ADCY4: variants seen among roughly 807,000 people sequenced by gnomAD.
ADCY4 encodes adenylate cyclase type 4.
ADCY4 carries 111 observed loss-of-function variants against 125.5 expected under a neutral mutation model. The observed-to-expected ratio is 0.88, with a 90% CI of 0.76 to 1.04. The LOEUF (loss-of-function observed/expected upper bound fraction) is 1.04, where lower values mean the gene tolerates loss of function less well. Among genes scored for constraint, ADCY4 ranks in the 50% least tolerant of loss-of-function variants. The pLI is 0.00. For synonymous variants in ADCY4, 576 were observed against 586.9 expected, an observed-to-expected ratio of 0.98 and a Z score of 0.27; for missense variants, 1,256 against 1,382.9, an observed-to-expected ratio of 0.91 and a Z score of 1.46.
chr14:24,319,525 AG>A lies in ADCY4; in HGVS notation c.2734-90del. On this transcript the variant is annotated intron_variant, in intron 21 of 24. Coordinates refer to ENST00000418030, the MANE Select transcript of ADCY4 (RefSeq NM_001198568.2). This position sits in a 1 kb window ranked among gnomAD's most constrained non-coding sequence, Gnocchi z 4.5. ...CCCAGCCCCAAGCCTTTGGAGTTAA[AG>A]GATCAGGCTGTGGGAGTGGAGATAG... The A allele has an allele frequency of 7.1e-7, 1 of 1,416,130 alleles. No individual in the cohort carries two copies. Among genetic ancestry groups the A allele is most frequent in the South Asian group, 1.2e-5 (1 of 84,094 alleles). 87.7% of individuals were successfully genotyped at this position (1,416,130 alleles called of 1,614,324 possible).
rs779577083 is a variant in ADCY4 at position 24,334,705 on chromosome 14, C to T, written c.-53G>A. 1.4e-6 allele frequency: 2 copies of T among 1,398,410 alleles called. No individual in the cohort carries two copies. The highest frequency in any genetic ancestry group is 2.7e-5 in the East Asian group (1 of 36,738). 86.6% of individuals were successfully genotyped at this position (1,398,410 alleles called of 1,614,324 possible). On this transcript the variant is annotated 5_prime_UTR_variant, in exon 1 of 25. Coordinates refer to ENST00000418030, the MANE Select transcript of ADCY4 (RefSeq NM_001198568.2). ...TGGCTAGGGCCGGGCGCCGGGTTAC[C>T]TCCTTCGGCCCGGCGGGCCCCACCT...
Position 24,318,808 on chromosome 14 carries a change from GGAGAA to G in ADCY4, c.2957-35_2957-31del, listed in dbSNP as rs756948393. ...TGAGGGATGTGGTAATGACAGACTTGGAGAAGGAAGAGGGGAAGAGGAAGCCACAA... is the reference window on the plus strand; with the variant it reads ...TGAGGGATGTGGTAATGACAGACTTGGGAAGAGGGGAAGAGGAAGCCACAA... On this transcript the variant is annotated intron_variant, in intron 23 of 24. Transcript: ENST00000418030. The G allele has an allele frequency of 4.3e-6, 7 of 1,613,392 alleles. No homozygotes were observed. The Admixed American group carries it at 1.2e-4, about 27-fold the overall frequency.
chr14:24,327,355 C>G (rs1359342168), intron 10 of ADCY4, among the ~76,000 whole-genome samples: 1 of 152,146 alleles, frequency 6.6e-6, no homozygotes, highest in Non-Finnish European at 1.5e-5. Context: ...GGCAGGAGGT[C>G]TAGCATGGGC....
intron 14 of ADCY4, 41 bp from the exon 15 acceptor site, chr14:24,324,432 G>A (rs778413905): frequency 9.6e-6 from 15 of 1,566,506 alleles, no homozygotes; most frequent in Non-Finnish European, 1.3e-5. Flanking sequence ...TGCCAGAACA[G>A]GCTCCCTGTG....
At chr14:24,326,612 T>A (rs1254097330) in intron 10 of ADCY4, 4 of 401,008 alleles carry the variant, frequency 1.0e-5, no homozygotes, top group African/African-American at 4.1e-5. Flanking sequence ...TGTGTGTGTG[T>A]GTGACTGAAT....
Position 24,324,356 on chromosome 14 carries a change from A to T in ADCY4, c.1859T>A (p.Phe620Tyr), listed in dbSNP as rs375534001. 6.2e-7 allele frequency: 1 copy of T among 1,614,082 alleles called. No individual in the cohort carries two copies. Among genetic ancestry groups the T allele is most frequent in the Non-Finnish European group, 8.5e-7 (1 of 1,180,032 alleles). The change falls in exon 15 of 25, where the codon TTC (phenylalanine) becomes TAC (tyrosine). Residue 620 changes from phenylalanine to tyrosine, a missense_variant. Phe to Tyr is a conservative substitution (Grantham distance 22, BLOSUM62 3). Transcript: ENST00000418030. Reference sequence around the variant, plus strand: ...AAAAAGGATGAGGAGGAAGAGGAGGAAGGTGATGCTATACGTGATGGCCAG... The same window carrying T: ...AAAAAGGATGAGGAGGAAGAGGAGGTAGGTGATGCTATACGTGATGGCCAG... ...PALAITYSITFLLFLLILFVC... is the reference protein window; with the variant it reads ...PALAITYSITYLLFLLILFVC...
At chr14:24,330,967 C>A in intron 6 of ADCY4, 51 bp downstream of exon 6, 1 of 1,530,026 alleles carries the variant, frequency 6.5e-7, no homozygotes, top group Non-Finnish European at 8.9e-7. Flanking sequence ...AGGGGCTACC[C>A]AGGATGGGAT....
Position 24,329,984 on chromosome 14 carries a change from T to C in ADCY4, c.1093A>G (p.Met365Val). 1.9e-6 allele frequency: 3 copies of C among 1,614,016 alleles called. No individual in the cohort carries two copies. Among genetic ancestry groups the C allele is most frequent in the Non-Finnish European group, 2.5e-6 (3 of 1,179,938 alleles). The change falls in exon 8 of 25, where the codon ATG (methionine) becomes GTG (valine). Residue 365 changes from methionine to valine, a missense_variant. By Grantham distance (21) the Met-to-Val change is conservative. Coordinates refer to ENST00000418030, the MANE Select transcript of ADCY4 (RefSeq NM_001198568.2). ...LRAATGVDIN[M>V]RVGVHSGSVL... The stretch of plus-strand genomic sequence containing the variant: ...CTGCCTGAGTGCACGCCCACACGCA[T>C]GTTGATGTCCACGCCAGTGGCTGCC...
Position 24,325,368 on chromosome 14 carries a change from C to G in ADCY4, c.1823+9G>C, listed in dbSNP as rs776545093. On this transcript the variant is annotated intron_variant, in intron 14 of 24. Transcript: ENST00000418030. ...CAGCCAGGGCCTCCTTTGCCTGGGG[C>G]ACTCTCACCTGTTTGTCACTAGCAT... 1.2e-6 allele frequency: 2 copies of G among 1,611,834 alleles called. No individual in the cohort carries two copies. The highest frequency in any genetic ancestry group is 2.2e-5 in the South Asian group (2 of 91,026).
rs57938687 is a variant in ADCY4, at chr14:24,325,221, C to T, written c.1823+156G>A. On this transcript the variant is annotated intron_variant, in intron 14 of 24. Coordinates refer to ENST00000418030, the MANE Select transcript of ADCY4 (RefSeq NM_001198568.2). ...GGATCTACAAGGTTAAGATAAGGGC[C>T]GTGATTATCATTTTCCCCAGAACAC... Among the ~76,000 whole-genome samples the T allele has an allele frequency of 1.6e-3, 249 of 151,108 alleles. 9 individuals carry two copies. The highest frequency in any genetic ancestry group is 5.8e-3 in the African/African-American group (237 of 40,552).
At chr14:24,327,607 A>C (rs751877) in intron 10 of ADCY4, among the ~76,000 whole-genome samples, 73,264 of 151,904 alleles carry the variant, frequency 0.48, 18,164 homozygotes, top group East Asian at 0.73. Flanking sequence ...TCCTTCCCCC[A>C]CTCCCCAGTG....
intron 14 of ADCY4, among the ~76,000 whole-genome samples, chr14:24,324,925 C>A (rs113441724): frequency 0.12 from 18,770 of 151,896 alleles, 2,058 homozygotes; most frequent in African/African-American, 0.3. Flanking sequence ...GCTAGTCTTT[C>A]ACTCCTGACC....
rs779660515 is a variant in ADCY4, at chr14:24,326,281, A to C, written c.1568+18T>G. 72 of 1,613,732 alleles carry C rather than the reference A, an allele frequency of 4.5e-5. No individual in the cohort carries two copies. Among genetic ancestry groups the C allele is most frequent in the Non-Finnish European group, 6.1e-5 (72 of 1,179,948 alleles). On this transcript the variant is annotated intron_variant, in intron 11 of 24. Transcript: ENST00000418030. ...CATCCAGACAGCCCCACTGGCAAAG[A>C]CTTTGAGGCCTCCTCACCGATCCAG...
chr14:24,321,917 ATGT>A (rs1045858311), intron 20 of ADCY4, 146 bp downstream of exon 20: 18 of 1,399,454 alleles, frequency 1.3e-5, no homozygotes, highest in East Asian at 7.2e-5. Flanking sequence ...AGAATCTAAG[ATGT>A]TGTGAAAACA....
chr14:24,325,476 T>C lies in ADCY4; in HGVS notation c.1726-2A>G, dbSNP rs773082841. 3.1e-6 allele frequency: 5 copies of C among 1,610,730 alleles called. No homozygotes were observed. Among genetic ancestry groups the C allele is most frequent in the Non-Finnish European group, 4.2e-6 (5 of 1,177,206 alleles). The stretch of plus-strand genomic sequence containing the variant: ...GGCGGGGATTGCAGAGAGTCGGTAC[T>C]GAAAGTGAGAGGGCCAGAGGTGGAG... On this transcript the variant is annotated splice_acceptor_variant, in intron 13 of 24. Coordinates refer to ENST00000418030, the MANE Select transcript of ADCY4 (RefSeq NM_001198568.2). LOFTEE classifies it high-confidence loss of function.
chr14:24,334,809 C>G lies in ADCY4; in HGVS notation c.-157G>C, dbSNP rs1483614302. 4 of 620,592 alleles carry G rather than the reference C, an allele frequency of 6.4e-6. No homozygotes were observed. Among genetic ancestry groups the G allele is most frequent in the Non-Finnish European group, 1.1e-5 (4 of 366,916 alleles). The allele number at this position is 620,592 out of a possible 1,614,324, so 38.4% of individuals were successfully genotyped here. Reference sequence around the variant, plus strand: ...GCAATCCCGTCTCCTTTTTCAGGCCCTCCCTGCGGCCTCCCAGCCCGCTCC... The same window carrying G: ...GCAATCCCGTCTCCTTTTTCAGGCCGTCCCTGCGGCCTCCCAGCCCGCTCC... On this transcript the variant is annotated 5_prime_UTR_variant, in exon 1 of 25. Coordinates refer to ENST00000418030, the MANE Select transcript of ADCY4 (RefSeq NM_001198568.2).
chr14:24,334,161 A>G (rs567395350), intron 1 of ADCY4, among the ~76,000 whole-genome samples: 1 of 152,346 alleles, frequency 6.6e-6, no homozygotes, highest in South Asian at 2.1e-4. Flanking sequence ...AAGGCAGGAA[A>G]TGAATTCCCC....
At chr14:24,322,730 G>A (rs1465346217) in intron 18 of ADCY4, 22 bp from the exon 19 acceptor site, 4 of 1,611,092 alleles carry the variant, frequency 2.5e-6, no homozygotes, top group Non-Finnish European at 3.4e-6. Context: ...ATGGATCAGG[G>A]TGACCCCTTG....
At position 24,319,833 on chromosome 14, in the gene ADCY4, T is replaced by C. The variant is rs2041825405; in HGVS notation, c.2642A>G (p.Asp881Gly). The C allele has an allele frequency of 6.2e-7, 1 of 1,614,036 alleles. No individual in the cohort carries two copies. The highest frequency in any genetic ancestry group is 8.5e-7 in the Non-Finnish European group (1 of 1,180,000). Residue 881 changes from aspartate to glycine, a missense_variant, in exon 21 of 25, where the codon GAC (aspartate) becomes GGC (glycine). By Grantham distance (94) the Asp-to-Gly change is moderately conservative. Coordinates refer to ENST00000418030, the MANE Select transcript of ADCY4 (RefSeq NM_001198568.2). The surrounding 1 kb of genome is among the most constrained non-coding windows in gnomAD (Gnocchi z 4.5). ...CVCVLFASVP[D>G]FKEFYSESNI... The stretch of plus-strand genomic sequence containing the variant: ...GGATTCAGAGTAGAACTCCTTGAAG[T>C]CTGGGACTGAGGCGAAGAGGACACA...
Sources: allele counts gnomAD v4.1 joint callset (sites outside exome capture counted in the v4.1 genomes callset), GRCh38; gene constraint gnomAD v4.1.1; non-coding constraint Gnocchi (gnomAD v3.1); transcripts MANE v1.5; gene names NCBI Gene and HGNC (gene_info 2026-07-23, HGNC 2026-07-21).